SLIT3: variants seen among roughly 807,000 people sequenced by gnomAD.
SLIT3 encodes slit homolog 3 protein.
SLIT3 carries 68 observed loss-of-function variants against 184.0 expected under a neutral mutation model. The observed-to-expected ratio is 0.37, with a 90% CI of 0.30 to 0.45. The LOEUF is 0.45. Ranked by LOEUF, SLIT3 falls within the 20% of genes least tolerant of loss-of-function variation. SLIT3 has a pLI of 1.00. For missense variants in SLIT3, 1,707 were observed against 2,026.0 expected, an observed-to-expected ratio of 0.84 and a Z score of 3.02; for synonymous variants, 831 against 828.6, an observed-to-expected ratio of 1.00 and a Z score of -0.05.
intron 14 of SLIT3, chr5:168,768,255 C>A: frequency 2.0e-6 from 1 of 507,962 alleles, no homozygotes; most frequent in South Asian, 1.5e-5. Context: ...AGCGACTGGT[C>A]AGAGTCAAGG....
At chr5:169,120,629 C>G (rs1200900472) in intron 4 of SLIT3, among the ~76,000 whole-genome samples, 1 of 152,168 alleles carries the variant, frequency 6.6e-6, no homozygotes. Context: ...CGCTTTATGC[C>G]ACTAAATCTG....
chr5:169,186,278 C>T (rs12513707), intron 4 of SLIT3, among the ~76,000 whole-genome samples: 13,843 of 152,066 alleles, frequency 0.091, 780 homozygotes, highest in South Asian at 0.14. Flanking sequence ...GGAGGAGACA[C>T]CAGGGTTATG....
In SLIT3 at chr5:168,664,114, T is replaced by G. The variant is rs1582501676; in HGVS notation, c.*2340A>C. ...AACTGTAAAATGAGTTAATAGTGTT[T>G]TAACTACATGGTTGTTTCAATAATT... On this transcript the variant is annotated 3_prime_UTR_variant, in exon 36 of 36. Coordinates refer to ENST00000519560, the MANE Select transcript of SLIT3 (RefSeq NM_003062.4). The G allele has an allele frequency of 6.6e-6, 1 of 152,352 alleles. No individual in the cohort carries two copies. Among genetic ancestry groups the G allele is most frequent in the East Asian group, 1.9e-4 (1 of 5,188 alleles). 9.4% of individuals were successfully genotyped at this position (152,352 alleles called of 1,614,324 possible). A position where few individuals can be genotyped will look rare whatever the true frequency, so the allele number is the denominator to read the frequency against.
Position 168,948,631 on chromosome 5 carries a change from AT to A in SLIT3, c.414-65296del, listed in dbSNP as rs370000540. 5.2e-3 allele frequency among the ~76,000 whole-genome samples: 791 copies of A among 152,174 alleles called. 7 individuals carry two copies. Among genetic ancestry groups the A allele is most frequent in the African/African-American group, 0.018 (746 of 41,518 alleles). ...ATGCAGGGCTGAGAATTTCAATTGT[AT>A]TTTTTTCCCCCATTAGCAGTTGTTT... On this transcript the variant is annotated intron_variant, in intron 4 of 35. Transcript: ENST00000519560.
Position 169,014,889 on chromosome 5 carries a change from T to C in SLIT3, c.414-131553A>G, listed in dbSNP as rs998902564. On this transcript the variant is annotated intron_variant, in intron 4 of 35. Transcript: ENST00000519560. ...TTACTTGAACTCGGGAGGCAGAGGT[T>C]GCAGTGAGCTGATATCATGCCACTG... 8.5e-5 allele frequency among the ~76,000 whole-genome samples: 13 copies of C among 152,270 alleles called. No individual in the cohort carries two copies. The South Asian group carries it at 1.7e-3, about 19-fold the overall frequency.
intron 20 of SLIT3, among the ~76,000 whole-genome samples, chr5:168,725,456 T>C (rs1395213170): frequency 1.5e-4 from 23 of 152,206 alleles, no homozygotes; most frequent in Non-Finnish European, 3.4e-4. Context: ...GAAGAACATT[T>C]AAGATGGCTT....
intron 4 of SLIT3, among the ~76,000 whole-genome samples, chr5:168,936,153 C>T (rs952549310): frequency 2.6e-5 from 4 of 152,216 alleles, no homozygotes; most frequent in Non-Finnish European, 4.4e-5. Context: ...GTACTTGGGT[C>T]CCATGACTTG....
chr5:168,700,790 C>A, intron 26 of SLIT3, 111 bp from the exon 27 acceptor site: 1 of 763,538 alleles, frequency 1.3e-6, no homozygotes, highest in Non-Finnish European at 2.3e-6. Flanking sequence ...GGGGAGATGA[C>A]AACAAGGAGC....
intron 28 of SLIT3, among the ~76,000 whole-genome samples, chr5:168,695,221 C>A (rs1467140111): frequency 3.3e-5 from 5 of 152,198 alleles, no homozygotes; most frequent in Non-Finnish European, 7.3e-5. Flanking sequence ...TAGTCCAGGA[C>A]ATGGGAGTCC....
chr5:169,229,936 C>T (rs182071306), intron 3 of SLIT3, among the ~76,000 whole-genome samples: 14 of 152,236 alleles, frequency 9.2e-5, no homozygotes, highest in Non-Finnish European at 4.4e-5. Flanking sequence ...CCATTCTTCT[C>T]AATGAACCTG....
At chr5:169,063,512 G>A (rs1204160863) in intron 4 of SLIT3, among the ~76,000 whole-genome samples, 2 of 152,182 alleles carry the variant, frequency 1.3e-5, no homozygotes, top group East Asian at 1.9e-4. Context: ...TTTCTGACCC[G>A]CCTCGGGGGC....
At chr5:168,722,476 T>C in intron 22 of SLIT3, 149 bp from the exon 23 acceptor site, 1 of 689,942 alleles carries the variant, frequency 1.4e-6, no homozygotes, top group Non-Finnish European at 2.5e-6. Context: ...AAGAAACCTC[T>C]TCACCAATCC....
chr5:169,063,626 GGAGATCCTAGT>G (rs1319045861), intron 4 of SLIT3, among the ~76,000 whole-genome samples: 1 of 152,204 alleles, frequency 6.6e-6, no homozygotes, highest in Non-Finnish European at 1.5e-5. Flanking sequence ...TGAGAAACAG[GGAGATCCTAGT>G]GAAAGTTTTA....
rs539401933 is a variant in SLIT3, at chr5:169,081,840, T to A, written c.413+111639A>T. 3.3e-5 allele frequency among the ~76,000 whole-genome samples: 5 copies of A among 152,306 alleles called. No individual in the cohort carries two copies. In the East Asian group the frequency reaches 5.8e-4, roughly 18 times the overall value. ...CTCTTACATACACCGTCTCACTTAC[T>A]CTTCACAGCAACACTGAGACGGTAT... On this transcript the variant is annotated intron_variant, in intron 4 of 35. Coordinates refer to ENST00000519560, the MANE Select transcript of SLIT3 (RefSeq NM_003062.4).
intron 4 of SLIT3, among the ~76,000 whole-genome samples, chr5:169,076,763 A>C (rs1346255725): frequency 6.6e-6 from 1 of 152,138 alleles, no homozygotes; most frequent in African/African-American, 2.4e-5. Context: ...ATTCTTTTTA[A>C]ATTTAAAGAC....
At chr5:169,258,857 T>TGA (rs1223740253) in intron 1 of SLIT3, among the ~76,000 whole-genome samples, 1 of 151,902 alleles carries the variant, frequency 6.6e-6, no homozygotes, top group African/African-American at 2.4e-5. Flanking sequence ...GAGCAAGGAG[T>TGA]GAAAAAACAG....
chr5:169,149,944 T>C (rs1762057667), intron 4 of SLIT3, among the ~76,000 whole-genome samples: 1 of 152,174 alleles, frequency 6.6e-6, no homozygotes, highest in South Asian at 2.1e-4. Context: ...CTCCTTTAAT[T>C]CTCATTTGAT....
chr5:168,674,430 C>G (rs1248955576), intron 32 of SLIT3, among the ~76,000 whole-genome samples: 1 of 151,598 alleles, frequency 6.6e-6, no homozygotes, highest in Non-Finnish European at 1.5e-5. Context: ...GATGCTGAAC[C>G]AGCATAATGC....
At chr5:169,061,802 A>T (rs1300484349) in intron 4 of SLIT3, among the ~76,000 whole-genome samples, 1 of 152,128 alleles carries the variant, frequency 6.6e-6, no homozygotes, top group Non-Finnish European at 1.5e-5. Flanking sequence ...ATCATGACGG[A>T]TACCCTCAGA....
Sources: allele counts gnomAD v4.1 joint callset (sites outside exome capture counted in the v4.1 genomes callset), GRCh38; gene constraint gnomAD v4.1.1; transcripts MANE v1.5; gene names NCBI Gene and HGNC (gene_info 2026-07-23, HGNC 2026-07-21).